Variants in CBLB observed in about 807,000 individuals in gnomAD.
CBLB encodes the protein Cbl proto-oncogene B.
Under a neutral mutation model 104.9 loss-of-function variants are expected in CBLB, and 31 were observed. That is an observed-to-expected ratio of 0.30 (90% CI 0.22 to 0.40). The LOEUF is 0.40. CBLB is among the 10% of genes least tolerant of loss of function. The pLI is 1.00. For missense variants in CBLB, 1,062 were observed against 1,214.6 expected (o/e 0.87, Z 1.87); for synonymous variants, 440 against 422.6 (o/e 1.04, Z -0.51).
chr3:105,788,369 G>A (rs1035240043), intron 3 of CBLB, among the ~76,000 whole-genome samples: 3 of 151,908 alleles, frequency 2.0e-5, no homozygotes, highest in Admixed American at 1.3e-4. Flanking sequence ...AAAAAAGCAG[G>A]AGTGTCCAAT....
chr3:105,737,810 AACACACAG>A (rs1159420970), intron 7 of CBLB, among the ~76,000 whole-genome samples: 1 of 152,198 alleles, frequency 6.6e-6, no homozygotes, highest in Non-Finnish European at 1.5e-5. Context: ...CACATATGCA[AACACACAG>A]ACACACAGGC....
chr3:105,784,989 C>T (rs950230359), intron 3 of CBLB, among the ~76,000 whole-genome samples: 2 of 152,170 alleles, frequency 1.3e-5, no homozygotes, highest in African/African-American at 4.8e-5. Flanking sequence ...CGTCAAAATA[C>T]CCACATGGAA....
intron 12 of CBLB, among the ~76,000 whole-genome samples, chr3:105,701,126 A>T (rs1344976361): frequency 6.6e-6 from 1 of 152,198 alleles, no homozygotes; most frequent in African/African-American, 2.4e-5. Flanking sequence ...TCTGCCAAGG[A>T]ACTACCAAGA....
chr3:105,818,406 A>G (rs1401394554), intron 3 of CBLB, among the ~76,000 whole-genome samples: 1 of 152,166 alleles, frequency 6.6e-6, no homozygotes, highest in Non-Finnish European at 1.5e-5. Flanking sequence ...GGACATTTAA[A>G]AAGTAATGAA....
intron 17 of CBLB, chr3:105,672,523 T>C (rs1192638604): frequency 1.2e-5 from 2 of 161,782 alleles, no homozygotes; most frequent in Admixed American, 1.3e-4. Context: ...TAATTACCAA[T>C]TGTCCCCTGA....
rs2063416271 is a variant in CBLB at position 105,657,352 on chromosome 3, T to C, written c.*1618A>G. The C allele has an allele frequency of 4.6e-6, 1 of 216,728 alleles. No individual in the cohort carries two copies. 13.4% of individuals were successfully genotyped at this position (216,728 alleles called of 1,614,324 possible). ...AGTGAAAAGAGGAGACACAGAAATA[T>C]GCACAAACCCACAATTAGTCCATAT... On this transcript the variant is annotated 3_prime_UTR_variant, in exon 19 of 19. Transcript: ENST00000394030.
At chr3:105,735,433 T>C (rs1319894700) in intron 8 of CBLB, among the ~76,000 whole-genome samples, 3 of 152,070 alleles carry the variant, frequency 2.0e-5, no homozygotes, top group African/African-American at 7.2e-5. Context: ...TATGCAATTA[T>C]AAAAAAAATT....
chr3:105,731,066 T>C (rs2074262025), intron 9 of CBLB, among the ~76,000 whole-genome samples: 1 of 152,120 alleles, frequency 6.6e-6, no homozygotes, highest in African/African-American at 2.4e-5. Flanking sequence ...ATATAAAAAA[T>C]CATGAAATAA....
chr3:105,680,684 G>A lies in CBLB; in HGVS notation c.2428+795C>T, dbSNP rs573862403. 1.9e-4 allele frequency among the ~76,000 whole-genome samples: 29 copies of A among 152,260 alleles called. No individual in the cohort carries two copies. The South Asian group carries it at 5.4e-3, about 28-fold the overall frequency. On this transcript the variant is annotated intron_variant, in intron 16 of 18. Coordinates refer to ENST00000394030, the MANE Select transcript of CBLB (RefSeq NM_170662.5). ...AGTGGTACTTGTGAGAAAATGGAAA[G>A]GTTCATTTCGTATTTCTGGTGGCCT... is the stretch of plus-strand genomic sequence containing the variant.
chr3:105,666,151 T>C (rs1486709904), intron 18 of CBLB, among the ~76,000 whole-genome samples: 1 of 152,154 alleles, frequency 6.6e-6, no homozygotes, highest in African/African-American at 2.4e-5. Flanking sequence ...ATCTGAAACA[T>C]ACTGTCTAAA....
intron 11 of CBLB, 29 bp from the exon 12 acceptor site, chr3:105,702,488 A>AAAC: frequency 1.4e-6 from 2 of 1,474,610 alleles, no homozygotes; most frequent in Non-Finnish European, 1.8e-6. Context: ...AAAAAAAAAA[A>AAAC]AAAAAAAAAA....
At chr3:105,781,687 G>T (rs984559910) in intron 3 of CBLB, among the ~76,000 whole-genome samples, 3 of 152,234 alleles carry the variant, frequency 2.0e-5, no homozygotes, top group Non-Finnish European at 4.4e-5. Context: ...AAACAGCTGT[G>T]TTATAAATCA....
chr3:105,801,690 T>G (rs2082886162), intron 3 of CBLB, among the ~76,000 whole-genome samples: 1 of 152,280 alleles, frequency 6.6e-6, no homozygotes, highest in South Asian at 2.1e-4. Context: ...AAGATTCCTT[T>G]GCAATCTGTT....
intron 3 of CBLB, among the ~76,000 whole-genome samples, chr3:105,809,035 G>T (rs912273460): frequency 2.6e-5 from 4 of 152,138 alleles, no homozygotes; most frequent in African/African-American, 9.7e-5. Context: ...CATATTTATT[G>T]AGTTCAGCTA....
intron 3 of CBLB, among the ~76,000 whole-genome samples, chr3:105,807,875 C>A (rs1354792024): frequency 6.6e-6 from 1 of 152,156 alleles, no homozygotes; most frequent in Non-Finnish European, 1.5e-5. Flanking sequence ...AGAGGACTTG[C>A]ATGATACAAC....
chr3:105,679,772 C>CA (rs35237641), intron 16 of CBLB, among the ~76,000 whole-genome samples: 1 of 145,208 alleles, frequency 6.9e-6, no homozygotes, highest in South Asian at 2.2e-4. Flanking sequence ...AAGACTGTCT[C>CA]AAAAAAAAAA....
chr3:105,814,806 T>G (rs955623522), intron 3 of CBLB, among the ~76,000 whole-genome samples: 1 of 152,122 alleles, frequency 6.6e-6, no homozygotes, highest in African/African-American at 2.4e-5. Context: ...TTCTCTTCAA[T>G]TATCCCTCAT....
intron 3 of CBLB, among the ~76,000 whole-genome samples, chr3:105,793,410 G>T (rs1202154973): frequency 1.3e-5 from 2 of 150,596 alleles, no homozygotes; most frequent in African/African-American, 4.9e-5. Flanking sequence ...TTTTCATAAG[G>T]AACTGATGGA....
chr3:105,825,805 A>T (rs2086480176), intron 3 of CBLB, among the ~76,000 whole-genome samples: 1 of 152,190 alleles, frequency 6.6e-6, no homozygotes, highest in South Asian at 2.1e-4. Flanking sequence ...TTGAATACAA[A>T]ATAGCATGAT....
Sources: gnomAD v4.1 joint callset for allele counts (sites outside exome capture counted in the v4.1 genomes callset) on GRCh38, gnomAD v4.1.1 for gene constraint, MANE v1.5 for transcripts, NCBI Gene and HGNC (gene_info 2026-07-23, HGNC 2026-07-21) for gene names.